Variants in TUBGCP3 observed in about 807,000 individuals in gnomAD.
TUBGCP3 encodes the protein tubulin gamma complex component 3, also known as gamma-tubulin complex component 3.
A neutral mutation model predicts 123.1 loss-of-function variants in TUBGCP3; 50 were observed. The observed-to-expected ratio is 0.41, with a 90% CI of 0.32 to 0.51. The LOEUF is 0.51. Ranked by LOEUF, TUBGCP3 falls within the 20% of genes least tolerant of loss-of-function variation. TUBGCP3 has a pLI of 0.36. For missense variants in TUBGCP3, 882 were observed against 1,127.0 expected (o/e 0.78, Z 3.11); for synonymous variants, 405 against 413.9 (o/e 0.98, Z 0.26).
intron 18 of TUBGCP3, 91 bp downstream of exon 18, chr13:112,504,535 C>G (rs1487891276): frequency 1.2e-6 from 1 of 866,420 alleles, no homozygotes; most frequent in Non-Finnish European, 1.7e-6. Flanking sequence ...TATATATACA[C>G]ACATACATAC....
chr13:112,594,449 A>G, the TUBGCP3 span, among the ~76,000 whole-genome samples: 1 of 152,222 alleles, frequency 6.6e-6, no homozygotes, highest in African/African-American at 2.4e-5. Flanking sequence ...CCAACCTAAG[A>G]CTACAAAGAA....
In TUBGCP3 at chr13:112,536,946, T is replaced by G. The variant is rs1878104645; in HGVS notation, c.1335+8753A>C. On this transcript the variant is annotated intron_variant, in intron 11 of 21. Coordinates refer to ENST00000261965, the MANE Select transcript of TUBGCP3 (RefSeq NM_006322.6). ...ACCACTACACCTGGCTCATTTTTTC[T>G]TAATCTTTTGTAGAGAGGAAGGTCT... Among the ~76,000 whole-genome samples the G allele has an allele frequency of 2.0e-5, 3 of 152,116 alleles. No individual in the cohort carries two copies. The South Asian group carries it at 6.2e-4, about 32-fold the overall frequency.
Position 112,565,119 on chromosome 13 carries a change from G to C in TUBGCP3, c.244C>G (p.His82Asp), listed in dbSNP as rs1347776066. The C allele has an allele frequency of 6.2e-7, 1 of 1,613,746 alleles. No individual in the cohort carries two copies. Among genetic ancestry groups the C allele is most frequent in the Admixed American group, 1.7e-5 (1 of 60,020 alleles). ...ALFSELHRKL[H>D]SQGVLKNKWS... is the part of the protein sequence containing the mutation. The stretch of plus-strand genomic sequence containing the variant: ...AGAATTCTGCACTGTACCTGTGAAT[G>C]AAGTTTTCTGTGGAGTTCTGAAAAT... Residue 82 changes from histidine to aspartate, a missense_variant, in exon 3 of 22, where the codon CAT becomes GAT. His to Asp is a moderately conservative substitution (Grantham distance 81, BLOSUM62 -1). Around this residue, in one of 3 missense-constraint regions of TUBGCP3, gnomAD observed 713 missense variants for 874.0 expected, o/e 0.82. Transcript: ENST00000261965.
chr13:112,545,507 C>T lies in TUBGCP3; in HGVS notation c.1335+192G>A, dbSNP rs2139168484. On this transcript the variant is annotated intron_variant, in intron 11 of 21. Transcript: ENST00000261965. This position sits in a 1 kb window ranked among gnomAD's most constrained non-coding sequence, Gnocchi z 4.1. The stretch of plus-strand genomic sequence containing the variant: ...ACAATTCTCCACTAACCAAAGAACT[C>T]GTGAACTTATCTGCTGTTCAGTGAG... 5.1e-6 allele frequency: 3 copies of T among 582,800 alleles called. No individual in the cohort carries two copies. The highest frequency in any genetic ancestry group is 2.6e-5 in the South Asian group (1 of 39,176). The allele number at this position is 582,800 out of a possible 1,614,324, so 36.1% of individuals were successfully genotyped here.
At chr13:112,588,958 A>G (rs1380384423), upstream of TUBGCP3, among the ~76,000 whole-genome samples, 1 of 152,234 alleles carries the variant, frequency 6.6e-6, no homozygotes, top group African/African-American at 2.4e-5. Flanking sequence ...ATTGTTGGCA[A>G]GTAAAACGTT....
chr13:112,503,960 C>G, intron 19 of TUBGCP3, 72 bp downstream of exon 19: 3 of 1,518,212 alleles, frequency 2.0e-6, no homozygotes, highest in Non-Finnish European at 2.7e-6. Context: ...TAAGATTCCC[C>G]CATTTGACAG....
chr13:112,570,942 G>GC (rs1881345395), intron 1 of TUBGCP3, among the ~76,000 whole-genome samples: 1 of 152,178 alleles, frequency 6.6e-6, no homozygotes, highest in African/African-American at 2.4e-5. Context: ...TCGATAAAAA[G>GC]CAACTCCTCA....
chr13:112,547,732 C>G lies in TUBGCP3; in HGVS notation c.1056G>C (p.Gln352His), dbSNP rs760611630. The G allele has an allele frequency of 1.3e-6, 2 of 1,514,950 alleles. No homozygotes were observed. Among genetic ancestry groups the G allele is most frequent in the East Asian group, 4.7e-5 (2 of 42,962 alleles). The allele number at this position is 1,514,950 out of a possible 1,614,324, so 93.8% of individuals were successfully genotyped here. A position where few individuals can be genotyped will look rare whatever the true frequency, so the allele number is the denominator to read the frequency against. ...TACTCTCAAGTCCCAAATTCACACC[C>G]TGGTCATCCTCTAGTTGTAGCTAAA... The part of the protein sequence containing the change: ...LHSQLQLEDD[Q>H]GVNLGLESSL... The change falls in exon 10 of 22, where the codon CAG becomes CAC. Residue 352 changes from glutamine to histidine, a missense_variant. Gln to His is a conservative substitution (Grantham distance 24). Coordinates refer to ENST00000261965, the MANE Select transcript of TUBGCP3 (RefSeq NM_006322.6).
chr13:112,528,607 T>C (rs1877320000), intron 11 of TUBGCP3, among the ~76,000 whole-genome samples: 1 of 152,258 alleles, frequency 6.6e-6, no homozygotes. Context: ...TTAGGAATAG[T>C]GACCATTTGT....
At chr13:112,541,603 T>C (rs189108512) in intron 11 of TUBGCP3, among the ~76,000 whole-genome samples, 1 of 146,012 alleles carries the variant, frequency 6.8e-6, no homozygotes, top group East Asian at 2.0e-4. Context: ...AACTAAGGAG[T>C]ACTTTAAAAG....
At chr13:112,547,471 C>G in intron 10 of TUBGCP3, 149 bp downstream of exon 10, 9 of 1,291,416 alleles carry the variant, frequency 7.0e-6, no homozygotes, top group Non-Finnish European at 9.0e-6. Context: ...GCGCACCCTA[C>G]AAACGAGTTC....
At chr13:112,567,651 G>A (rs1881055757) in intron 2 of TUBGCP3, among the ~76,000 whole-genome samples, 1 of 152,200 alleles carries the variant, frequency 6.6e-6, no homozygotes, top group African/African-American at 2.4e-5. Context: ...CATCATAACA[G>A]CAGATGGATC....
chr13:112,529,540 A>G (rs1426180588), intron 11 of TUBGCP3, among the ~76,000 whole-genome samples: 2 of 151,986 alleles, frequency 1.3e-5, no homozygotes, highest in African/African-American at 2.4e-5. Context: ...CCCATCTCCT[A>G]TGTGGGGAGG....
At position 112,527,184 on chromosome 13, in the gene TUBGCP3, T is replaced by C. The variant is rs1006654542; in HGVS notation, c.1447-134A>G. Reference sequence around the variant, plus strand: ...AGCATCTGCTACAGTATGGAGCGAATTCTAGTAACTCAAAGATATATTGAA... The same window carrying C: ...AGCATCTGCTACAGTATGGAGCGAACTCTAGTAACTCAAAGATATATTGAA... On this transcript the variant is annotated intron_variant, in intron 12 of 21. Transcript: ENST00000261965. The C allele has an allele frequency of 8.6e-6, 7 of 816,634 alleles. No homozygotes were observed. The Admixed American group carries it at 1.7e-4, about 20-fold the overall frequency. 50.6% of individuals were successfully genotyped at this position (816,634 alleles called of 1,614,324 possible).
chr13:112,540,424 T>C (rs1878421669), intron 11 of TUBGCP3, among the ~76,000 whole-genome samples: 1 of 141,546 alleles, frequency 7.1e-6, no homozygotes, highest in Non-Finnish European at 1.5e-5. Flanking sequence ...ATTCAGGTGG[T>C]CTTGGGAAAG....
At chr13:112,520,620 C>G (rs1329931553) in intron 14 of TUBGCP3, among the ~76,000 whole-genome samples, 1 of 152,202 alleles carries the variant, frequency 6.6e-6, no homozygotes, top group Non-Finnish European at 1.5e-5. Context: ...TTTCAAACTT[C>G]AGACTGGCCT....
At chr13:112,536,466 C>G (rs1262384764) in intron 11 of TUBGCP3, among the ~76,000 whole-genome samples, 1 of 152,188 alleles carries the variant, frequency 6.6e-6, no homozygotes, top group African/African-American at 2.4e-5. Context: ...TTTCATTCCT[C>G]TCAACAATGA....
At chr13:112,555,285 A>G (rs1473411861) in intron 6 of TUBGCP3, among the ~76,000 whole-genome samples, 1 of 152,198 alleles carries the variant, frequency 6.6e-6, no homozygotes, top group Non-Finnish European at 1.5e-5. Flanking sequence ...ACACAGGGAC[A>G]GGCGGAGTGG....
chr13:112,545,445 G>A lies in TUBGCP3; in HGVS notation c.1335+254C>T, dbSNP rs12583402. 0.02 allele frequency: 8,012 copies of A among 410,226 alleles called. 241 individuals carry two copies. Among genetic ancestry groups the A allele is most frequent in the East Asian group, 0.11 (2,792 of 25,972 alleles). The allele number at this position is 410,226 out of a possible 1,614,324, so 25.4% of individuals were successfully genotyped here. ...TTGCCATCCACGTGCTAGTAAACTC[G>A]GACGAGTGATTCCACCTTGCTGAGG... On this transcript the variant is annotated intron_variant, in intron 11 of 21. Coordinates refer to ENST00000261965, the MANE Select transcript of TUBGCP3 (RefSeq NM_006322.6). This position sits in a 1 kb window ranked among gnomAD's most constrained non-coding sequence, Gnocchi z 4.1.
Sources: gnomAD v4.1 joint callset for allele counts (sites outside exome capture counted in the v4.1 genomes callset) on GRCh38, gnomAD v4.1.1 for gene constraint, gnomAD v4.1.1 regional missense constraint, Gnocchi (gnomAD v3.1) non-coding constraint, MANE v1.5 for transcripts, NCBI Gene and HGNC (gene_info 2026-07-23, HGNC 2026-07-21) for gene names.